The following ATPAF1 variants were observed in gnomAD, a reference collection of about 807,000 sequenced individuals.
The protein encoded by ATPAF1 is homolog of yeast ATP11.
Under a neutral mutation model 43.9 loss-of-function variants are expected in ATPAF1, and 26 were observed. That is an observed-to-expected ratio of 0.59 (90% CI 0.43 to 0.82). ATPAF1 has a LOEUF of 0.82. ATPAF1 is among the 40% of genes least tolerant of loss of function. ATPAF1 has a pLI of 0.00. For synonymous variants in ATPAF1, 157 were observed against 168.0 expected (o/e 0.93, Z 0.50); for missense variants, 366 against 435.0 (o/e 0.84, Z 1.41).
chr1:46,652,583 T>C, exon 6 of ATPAF1: 1 of 1,613,252 alleles, frequency 6.2e-7, no homozygotes, highest in Non-Finnish European at 8.5e-7. Flanking sequence ...AAACTTACTG[T>C]TGGACAGGAC....
At chr1:46,667,566 A>G (rs1422166649) in intron 1 of ATPAF1, among the ~76,000 whole-genome samples, 5 of 152,254 alleles carry the variant, frequency 3.3e-5, no homozygotes, top group African/African-American at 7.2e-5. Flanking sequence ...AGAGGGTTCA[A>G]TGGGTGATCC....
At position 46,635,692 on chromosome 1, in the gene ATPAF1, T is replaced by C. The variant is rs182235204; in HGVS notation, c.*84A>G. The C allele has an allele frequency of 1.4e-4, 190 of 1,350,188 alleles. 1 individual carries two copies. The African/African-American group carries it at 2.2e-3, about 16-fold the overall frequency. 83.6% of individuals were successfully genotyped at this position (1,350,188 alleles called of 1,614,324 possible). A position where few individuals can be genotyped will look rare whatever the true frequency, so the allele number is the denominator to read the frequency against. The stretch of plus-strand genomic sequence containing the variant: ...ATTACCAACTGCTCATTATAAATGC[T>C]GAGCTCTTGAGTTCCTGAGGAGGGG... On this transcript the variant is annotated 3_prime_UTR_variant, in exon 9 of 9. Coordinates refer to ENST00000574428, the Ensembl canonical transcript of ATPAF1.
At chr1:46,665,937 T>G in intron 1 of ATPAF1, 1 of 1,246,264 alleles carries the variant, frequency 8.0e-7, no homozygotes, top group East Asian at 3.5e-5. Context: ...CAAAATGGGG[T>G]TGGTCTTCAG....
At chr1:46,636,395 A>G (rs1341035318) in intron 8 of ATPAF1, among the ~76,000 whole-genome samples, 1 of 152,210 alleles carries the variant, frequency 6.6e-6, no homozygotes, top group African/African-American at 2.4e-5. Context: ...ACAGTTACCC[A>G]GCTCTAAGAA....
chr1:46,635,623 G>T, exon 9 of ATPAF1: 1 of 647,382 alleles, frequency 1.5e-6, no homozygotes. Context: ...CAAGTAATAG[G>T]GCTCATCTCT....
intron 2 of ATPAF1, 139 bp downstream of exon 2, chr1:46,665,117 G>T (rs1676465141): frequency 2.7e-6 from 2 of 745,566 alleles, no homozygotes; most frequent in Non-Finnish European, 4.5e-6. Context: ...AACATTTATG[G>T]ATGGAAATGG....
intron 2 of ATPAF1, among the ~76,000 whole-genome samples, chr1:46,659,322 A>G (rs1243217678): frequency 1.3e-5 from 2 of 152,336 alleles, no homozygotes; most frequent in African/African-American, 4.8e-5. Context: ...ACTAGTACTG[A>G]GAGTCCATTC....
Position 46,636,075 on chromosome 1 carries a change from C to T in ATPAF1, c.793-105G>A, listed in dbSNP as rs183388081. 1,505 of 1,304,444 alleles carry T rather than the reference C, an allele frequency of 1.2e-3. 3 individuals are homozygous for T. Among genetic ancestry groups the T allele is most frequent in the Non-Finnish European group, 1.4e-3 (1,300 of 911,606 alleles). The allele number at this position is 1,304,444 out of a possible 1,614,324, so 80.8% of individuals were successfully genotyped here. ...GCCCTCGCCCAGGAGTCACCACTTC[C>T]AGAAAGTTTCCTTAACTTCTTGAAG... On this transcript the variant is annotated intron_variant, in intron 8 of 8. Coordinates refer to ENST00000574428, the Ensembl canonical transcript of ATPAF1.
At chr1:46,665,741 G>T in intron 1 of ATPAF1, 2 of 1,523,436 alleles carry the variant, frequency 1.3e-6, no homozygotes, top group South Asian at 2.5e-5. Context: ...GCTTTTACTT[G>T]AATACATCCA....
At chr1:46,664,941 G>T in intron 2 of ATPAF1, 1 of 281,796 alleles carries the variant, frequency 3.5e-6, no homozygotes, top group Non-Finnish European at 6.7e-6. Flanking sequence ...CCTAGCCTAG[G>T]TCAGGTTCCA....
chr1:46,665,739 T>C (rs1003464164), intron 1 of ATPAF1: 1 of 1,525,218 alleles, frequency 6.6e-7, no homozygotes, highest in Non-Finnish European at 8.7e-7. Flanking sequence ...AAGCTTTTAC[T>C]TGAATACATC....
chr1:46,665,820 C>T (rs1676481119), intron 1 of ATPAF1: 4 of 1,436,240 alleles, frequency 2.8e-6, no homozygotes, highest in South Asian at 1.5e-5. Context: ...GATTCAGAGG[C>T]TTTAGGTAGC....
rs1483584294 is a variant in ATPAF1 at position 46,658,167 on chromosome 1, A to G, written c.449T>C (p.Ile150Thr). The stretch of plus-strand genomic sequence containing the variant: ...TGCAGTTTTTTCTTTTACCATCTCA[A>G]TGTTAAAGATTGAACTGAGAGTCTT... The change falls in exon 4 of 9, where the codon ATT (isoleucine) becomes ACT (threonine). Residue 150 changes from isoleucine to threonine, a missense_variant. Transcript: ENST00000574428. 3 of 1,610,810 alleles carry G rather than the reference A, an allele frequency of 1.9e-6. No individual in the cohort carries two copies. In the African/African-American group the frequency reaches 4.0e-5, roughly 22 times the overall value.
chr1:46,636,055 C>T lies in ATPAF1; in HGVS notation c.793-85G>A, dbSNP rs752992022. 2.0e-5 allele frequency: 30 copies of T among 1,464,808 alleles called. No individual in the cohort carries two copies. In the Admixed American group the frequency reaches 3.9e-4, roughly 19 times the overall value. 90.7% of individuals were successfully genotyped at this position (1,464,808 alleles called of 1,614,324 possible). On this transcript the variant is annotated intron_variant, in intron 8 of 8. Coordinates refer to ENST00000574428, the Ensembl canonical transcript of ATPAF1. ...GAATTGTGTGGTGGGTGGGGGCCCT[C>T]GCCCAGGAGTCACCACTTCCAGAAA...
chr1:46,654,528 T>A (rs867467767), intron 4 of ATPAF1, among the ~76,000 whole-genome samples: 2 of 135,282 alleles, frequency 1.5e-5, no homozygotes, highest in African/African-American at 6.0e-5. Context: ...TATTTATTTA[T>A]TTATTATTAT....
At position 46,668,039 on chromosome 1, in the gene ATPAF1, G is replaced by C; in HGVS notation, c.266+18C>G. The C allele has an allele frequency of 7.4e-7, 1 of 1,351,968 alleles. No individual in the cohort carries two copies. The allele number at this position is 1,351,968 out of a possible 1,614,324, so 83.7% of individuals were successfully genotyped here. A position where few individuals can be genotyped will look rare whatever the true frequency, so the allele number is the denominator to read the frequency against. ...TCCTCCCGCCTCCTGCCCGCCTCCA[G>C]CCAACCCAGGCCCGCACCTGCGCAG... On this transcript the variant is annotated intron_variant, in intron 1 of 8. Coordinates refer to ENST00000574428, the Ensembl canonical transcript of ATPAF1. This position sits in a 1 kb window ranked among gnomAD's most constrained non-coding sequence, Gnocchi z 4.4.
chr1:46,665,611 T>C (rs1427082860), intron 1 of ATPAF1: 9 of 1,484,594 alleles, frequency 6.1e-6, no homozygotes, highest in South Asian at 1.2e-5. Context: ...GGCTGTTCCC[T>C]AGGTTTACAC....
At chr1:46,639,404 T>C (rs562299341) in intron 8 of ATPAF1, among the ~76,000 whole-genome samples, 1 of 152,336 alleles carries the variant, frequency 6.6e-6, no homozygotes, top group Non-Finnish European at 1.5e-5. Context: ...CTCCAGGAAA[T>C]ATTACTCCCT....
intron 3 of ATPAF1, 49 bp downstream of exon 3, chr1:46,658,638 G>T: frequency 7.0e-7 from 1 of 1,423,200 alleles, no homozygotes; most frequent in Non-Finnish European, 9.7e-7. Flanking sequence ...TGTTCTAGAT[G>T]TCCCATATGA....
Sources: allele counts gnomAD v4.1 joint callset (sites outside exome capture counted in the v4.1 genomes callset), GRCh38; gene constraint gnomAD v4.1.1; non-coding constraint Gnocchi (gnomAD v3.1); transcripts MANE v1.5; gene names NCBI Gene and HGNC (gene_info 2026-07-23, HGNC 2026-07-21).